BIRC6: variants seen among roughly 807,000 people sequenced by gnomAD.
The protein encoded by BIRC6 is baculoviral IAP repeat containing 6, also known as dual E2 ubiquitin-conjugating enzyme/E3 ubiquitin-protein ligase BIRC6.
A neutral mutation model predicts 503.3 loss-of-function variants in BIRC6; 98 were observed. The ratio of observed to expected loss-of-function variants is 0.19; its 90% CI spans 0.17 to 0.23. The LOEUF (loss-of-function observed/expected upper bound fraction) is 0.23. Ranked by LOEUF, BIRC6 falls within the 10% of genes least tolerant of loss-of-function variation. The pLI, the probability that BIRC6 is intolerant of heterozygous loss-of-function variation, is 1.00. For synonymous variants in BIRC6, 2,240 were observed against 2,078.7 expected (o/e 1.08, Z -2.11); for missense variants, 5,360 against 5,806.0 (o/e 0.92, Z 2.50).
rs1019326270 is a variant in BIRC6, at chr2:32,545,823, C to A, written c.12773C>A (p.Ser4258Tyr). The stretch of plus-strand genomic sequence containing the variant: ...TGTCTCTCTGCTTTGAGCCACCATT[C>A]CCCACGAGTTCCAAACTCTAGCGTG... ...LVCLSALSHH[S>Y]PRVPNSSVNQ... Residue 4258 changes from serine to tyrosine, a missense_variant, in exon 63 of 74, where the codon TCC (serine) becomes TAC (tyrosine). Ser to Tyr is a moderately radical substitution (Grantham distance 144). Coordinates refer to ENST00000421745, the MANE Select transcript of BIRC6 (RefSeq NM_016252.4). The A allele has an allele frequency of 4.3e-6, 7 of 1,613,830 alleles. No homozygotes were observed. Among genetic ancestry groups the A allele is most frequent in the Non-Finnish European group, 5.9e-6 (7 of 1,179,806 alleles).
At chr2:32,545,550 T>A in intron 62 of BIRC6, 93 bp from the exon 63 acceptor site, 1 of 1,030,738 alleles carries the variant, frequency 9.7e-7, no homozygotes, top group African/African-American at 1.6e-5. Flanking sequence ...ACTTTTGTAT[T>A]ACAGTGTCAT....
chr2:32,570,396 C>G (rs1270807223), intron 65 of BIRC6, among the ~76,000 whole-genome samples: 1 of 152,184 alleles, frequency 6.6e-6, no homozygotes, highest in Non-Finnish European at 1.5e-5. Context: ...GTTGGTCAGG[C>G]TGGTCTCGAA....
chr2:32,579,955 G>GTTTT (rs566605734), intron 66 of BIRC6, among the ~76,000 whole-genome samples: 1 of 132,716 alleles, frequency 7.5e-6, no homozygotes, highest in Non-Finnish European at 1.6e-5. Context: ...AACCAGGCAG[G>GTTTT]TTTTTTTTTT....
intron 57 of BIRC6, chr2:32,522,222 C>A (rs985821475): frequency 1.3e-5 from 2 of 151,994 alleles, no homozygotes; most frequent in Non-Finnish European, 2.9e-5. Context: ...CTATTTTTCT[C>A]TTCCTTATGG....
chr2:32,585,949 T>A (rs1407022086), intron 66 of BIRC6, among the ~76,000 whole-genome samples: 1 of 152,206 alleles, frequency 6.6e-6, no homozygotes, highest in African/African-American at 2.4e-5. Context: ...AGAAAATGAA[T>A]CTGTTGCTTA....
At chr2:32,367,745 G>A (rs945513607) in intron 1 of BIRC6, among the ~76,000 whole-genome samples, 3 of 152,172 alleles carry the variant, frequency 2.0e-5, no homozygotes, top group Non-Finnish European at 4.4e-5. Context: ...GAACCCGGGA[G>A]ATAGAGGTTG....
chr2:32,371,669 T>A (rs887686221), intron 1 of BIRC6, among the ~76,000 whole-genome samples: 1 of 149,164 alleles, frequency 6.7e-6, no homozygotes, highest in Non-Finnish European at 1.5e-5. Context: ...AGGCATGAGC[T>A]ACCATGCCTG....
chr2:32,453,132 C>T (rs933517271), intron 22 of BIRC6, among the ~76,000 whole-genome samples: 1 of 151,656 alleles, frequency 6.6e-6, no homozygotes, highest in Non-Finnish European at 1.5e-5. Context: ...GCTGCATACG[C>T]AGTCCCTGTG....
At position 32,477,769 on chromosome 2, in the gene BIRC6, A is replaced by ATT. The variant is rs1175000680; in HGVS notation, c.7068+187_7068+188dup. 2.6e-5 allele frequency among the ~76,000 whole-genome samples: 4 copies of ATT among 151,100 alleles called. No homozygotes were observed. The East Asian group carries it at 7.8e-4, about 29-fold the overall frequency. On this transcript the variant is annotated intron_variant, in intron 35 of 73. Coordinates refer to ENST00000421745, the MANE Select transcript of BIRC6 (RefSeq NM_016252.4). ...AAAAAAAAAAGTGACTTATAGGTTA[A>ATT]TTAAAAACTAGCAAAGGATGATGTT...
At chr2:32,581,098 C>T (rs1427113298) in intron 66 of BIRC6, among the ~76,000 whole-genome samples, 1 of 152,128 alleles carries the variant, frequency 6.6e-6, no homozygotes, top group African/African-American at 2.4e-5. Context: ...TATGATCCGT[C>T]GATTGATAGA....
At chr2:32,532,088 G>C (rs1002043175) in intron 61 of BIRC6, 1 of 527,934 alleles carries the variant, frequency 1.9e-6, no homozygotes, top group African/African-American at 2.0e-5. Context: ...ACAAAACTTT[G>C]TGTTTGTTGA....
intron 49 of BIRC6, among the ~76,000 whole-genome samples, chr2:32,504,632 A>C (rs941692983): frequency 6.6e-6 from 1 of 152,088 alleles, no homozygotes; most frequent in African/African-American, 2.4e-5. Flanking sequence ...TCACCACTGC[A>C]CTCCAGCCTG....
At chr2:32,607,177 CTATTAT>C (rs3835882) in intron 71 of BIRC6, among the ~76,000 whole-genome samples, 3 of 119,448 alleles carry the variant, frequency 2.5e-5, no homozygotes, top group Admixed American at 7.9e-5. Flanking sequence ...TTCTTCATAT[CTATTAT>C]TATTATTATC....
At chr2:32,545,987 A>C (rs79653581) in intron 63 of BIRC6, 127 bp downstream of exon 63, 3 of 849,874 alleles carry the variant, frequency 3.5e-6, no homozygotes, top group Non-Finnish European at 5.4e-6. Flanking sequence ...CTAAAAGGAT[A>C]TTTAAAACAG....
intron 46 of BIRC6, among the ~76,000 whole-genome samples, chr2:32,500,606 G>GTTTT (rs758919928): frequency 5.1e-5 from 6 of 118,294 alleles, no homozygotes; most frequent in Admixed American, 9.4e-5. Context: ...TTTTGTTTTT[G>GTTTT]TTTTTTTTTT....
intron 3 of BIRC6, among the ~76,000 whole-genome samples, chr2:32,386,442 CTCTTTTT>C (rs1416141331): frequency 3.4e-5 from 5 of 147,820 alleles, no homozygotes; most frequent in African/African-American, 1.0e-4. Context: ...AAGTCTCTCT[CTCTTTTT>C]TTTTTTTTTT....
Position 32,597,896 on chromosome 2 carries a change from A to G in BIRC6, c.13758A>G (p.Ser4586=). The change falls in exon 69 of 74, where the codon TCA becomes TCG. Residue 4586 remains serine, a synonymous_variant. Transcript: ENST00000421745. Reference sequence around the variant, plus strand: ...TTGCCCAGGAAGCTGTGACGCTTTCAACCTCACTGCCTCTGTCTTCATCCT... The same window carrying G: ...TTGCCCAGGAAGCTGTGACGCTTTCGACCTCACTGCCTCTGTCTTCATCCT... The part of the protein sequence containing the change: ...RRLAQEAVTL[S]TSLPLSSSSS... The G allele has an allele frequency of 6.2e-7, 1 of 1,613,880 alleles. No individual in the cohort carries two copies.
chr2:32,557,266 C>T (rs982719984), intron 65 of BIRC6: 1 of 152,122 alleles, frequency 6.6e-6, no homozygotes, highest in Admixed American at 6.6e-5. Flanking sequence ...GTCTTCTTTC[C>T]TATACTGACT....
At chr2:32,413,265 C>T (rs188202103) in intron 9 of BIRC6, among the ~76,000 whole-genome samples, 117 of 151,464 alleles carry the variant, frequency 7.7e-4, no homozygotes, top group African/African-American at 2.6e-3. Context: ...ACCACAACCT[C>T]CGCCTTCTGG....
Sources: allele counts gnomAD v4.1 joint callset (sites outside exome capture counted in the v4.1 genomes callset), GRCh38; gene constraint gnomAD v4.1.1; transcripts MANE v1.5; gene names NCBI Gene and HGNC (gene_info 2026-07-23, HGNC 2026-07-21).